ARHGEF37: variants seen among roughly 807,000 people sequenced by gnomAD.
The protein encoded by ARHGEF37 is Rho guanine nucleotide exchange factor (GEF) 37.
ARHGEF37 carries 55 observed loss-of-function variants against 71.1 expected under a neutral mutation model. The ratio of observed to expected loss-of-function variants is 0.77; its 90% CI spans 0.62 to 0.97. The LOEUF (loss-of-function observed/expected upper bound fraction) is 0.97. Among genes scored for constraint, ARHGEF37 ranks in the 50% least tolerant of loss-of-function variants. The pLI is 0.00. For synonymous variants in ARHGEF37, 327 were observed against 350.6 expected (o/e 0.93, Z 0.75); for missense variants, 765 against 836.8 (o/e 0.91, Z 1.06).
chr5:149,564,778 C>T (rs1175063196), intron 1 of ARHGEF37, among the ~76,000 whole-genome samples: 1 of 152,184 alleles, frequency 6.6e-6, no homozygotes, highest in East Asian at 1.9e-4. Context: ...GAACCGAGAT[C>T]GCGCCATTGC....
chr5:149,602,257 G>A (rs1960010), intron 3 of ARHGEF37, among the ~76,000 whole-genome samples: 81,786 of 151,766 alleles, frequency 0.54, 22,382 homozygotes, highest in East Asian at 0.71. Flanking sequence ...GGGTTTCACC[G>A]TATTGGTCAG....
chr5:149,554,647 G>GT (rs111671134), intron 1 of ARHGEF37, among the ~76,000 whole-genome samples: 38,916 of 137,426 alleles, frequency 0.28, 5,227 homozygotes, highest in African/African-American at 0.34. Flanking sequence ...TGGCAAAATT[G>GT]TTTTTTTTTT....
At chr5:149,553,793 TC>T (rs1308513567) in intron 1 of ARHGEF37, among the ~76,000 whole-genome samples, 2 of 152,236 alleles carry the variant, frequency 1.3e-5, no homozygotes, top group African/African-American at 4.8e-5. Flanking sequence ...TTTAGTCTTT[TC>T]ACATATGTGT....
At chr5:149,616,524 A>C in intron 4 of ARHGEF37, 43 bp from the exon 5 acceptor site, 2 of 1,553,660 alleles carry the variant, frequency 1.3e-6, no homozygotes, top group African/African-American at 1.4e-5. Context: ...CTGGTCCTCC[A>C]GAGGGTGGGA....
At chr5:149,557,570 C>T (rs1451833809) in intron 1 of ARHGEF37, among the ~76,000 whole-genome samples, 3 of 152,124 alleles carry the variant, frequency 2.0e-5, no homozygotes, top group Non-Finnish European at 4.4e-5. Context: ...GCGTTAAACT[C>T]CTAGGCTCAA....
rs1400673761 is a variant in ARHGEF37, at chr5:149,601,106, A to C, written c.187-2A>C. The stretch of plus-strand genomic sequence containing the variant: ...CTCTCATGGCTTCTTTGTTCCTTCC[A>C]GTTGCCGCAGGGAGATCTGGATGTC... On this transcript the variant is annotated splice_acceptor_variant, in intron 2 of 12. Coordinates refer to ENST00000333677, the MANE Select transcript of ARHGEF37 (RefSeq NM_001001669.3). LOFTEE classifies it high-confidence loss of function. 5 of 1,609,244 alleles carry C rather than the reference A, an allele frequency of 3.1e-6. No homozygotes were observed. In the South Asian group the frequency reaches 5.5e-5, roughly 18 times the overall value.
chr5:149,557,228 A>G (rs979368656), intron 1 of ARHGEF37, among the ~76,000 whole-genome samples: 2 of 152,246 alleles, frequency 1.3e-5, no homozygotes, highest in African/African-American at 4.8e-5. Flanking sequence ...GTGGATACCC[A>G]TGCCATTACG....
intron 4 of ARHGEF37, among the ~76,000 whole-genome samples, chr5:149,613,489 G>A (rs775952560): frequency 6.6e-6 from 1 of 151,990 alleles, no homozygotes; most frequent in South Asian, 2.1e-4. Flanking sequence ...TGGGACTACA[G>A]GAGTGCGCCA....
intron 2 of ARHGEF37, among the ~76,000 whole-genome samples, chr5:149,600,096 T>C (rs1437694600): frequency 6.6e-6 from 1 of 152,204 alleles, no homozygotes; most frequent in Non-Finnish European, 1.5e-5. Context: ...GCTCCTAGGC[T>C]ATAAGTGTGT....
upstream of ARHGEF37, among the ~76,000 whole-genome samples, chr5:149,577,915 G>C (rs1763044158): frequency 6.6e-6 from 1 of 152,230 alleles, no homozygotes; most frequent in Non-Finnish European, 1.5e-5. Flanking sequence ...AATGTGTAAA[G>C]TTTATTCAGT....
chr5:149,622,969 A>G (rs147743302), intron 9 of ARHGEF37, among the ~76,000 whole-genome samples: 1 of 152,088 alleles, frequency 6.6e-6, no homozygotes, highest in African/African-American at 2.4e-5. Context: ...AATTCTTTGC[A>G]TGAAAACTCT....
intron 3 of ARHGEF37, among the ~76,000 whole-genome samples, chr5:149,607,702 G>T (rs1763952466): frequency 6.6e-6 from 1 of 151,874 alleles, no homozygotes; most frequent in Admixed American, 6.6e-5. Flanking sequence ...GGGGGCAGGG[G>T]GTGGATCTCA....
rs111671134 is a variant in ARHGEF37, at chr5:149,554,647, G to GTT, written c.-12+2538_-12+2539dup. Among the ~76,000 whole-genome samples the GTT allele has an allele frequency of 4.9e-3, 680 of 137,596 alleles. 4 individuals carry two copies. Among genetic ancestry groups the GTT allele is most frequent in the African/African-American group, 0.014 (536 of 37,998 alleles). The allele number at this position is 137,596 out of a possible 152,430, so 90.3% of individuals were successfully genotyped here. On this transcript the variant is annotated intron_variant, in intron 1 of 2. Transcript: ENST00000505810. Reference sequence around the variant, plus strand: ...TATTGGATTTAAGAATGGCAAAATTGTTTTTTTTTTTTTTTACATAGAAAA... The same window carrying GTT: ...TATTGGATTTAAGAATGGCAAAATTGTTTTTTTTTTTTTTTTTACATAGAAAA...
Position 149,582,773 on chromosome 5 carries a change from TAC to T in ARHGEF37, c.-12+1153_-12+1154del, listed in dbSNP as rs926696258. ...CCTGAAACTATGTACATCTATTATG[TAC>T]ACAGTTTAAAATTTAATTTAATTAA... On this transcript the variant is annotated intron_variant, in intron 1 of 12. Transcript: ENST00000333677. Among the ~76,000 whole-genome samples the T allele has an allele frequency of 9.2e-5, 14 of 151,966 alleles. No homozygotes were observed. The South Asian group carries it at 1.0e-3, about 11-fold the overall frequency.
chr5:149,615,470 A>C (rs753281202), intron 4 of ARHGEF37, among the ~76,000 whole-genome samples: 19 of 152,174 alleles, frequency 1.2e-4, no homozygotes, highest in Admixed American at 3.9e-4. Flanking sequence ...AAAATTAACA[A>C]GTGTTAACAT....
chr5:149,565,314 A>G (rs754781152), intron 1 of ARHGEF37, among the ~76,000 whole-genome samples: 3 of 152,230 alleles, frequency 2.0e-5, no homozygotes, highest in Non-Finnish European at 4.4e-5. Context: ...ACAGCAGAGA[A>G]TAAGTCCTGT....
chr5:149,580,964 T>G (rs1006375158), upstream of ARHGEF37, among the ~76,000 whole-genome samples: 1 of 152,184 alleles, frequency 6.6e-6, no homozygotes. Flanking sequence ...GTGTTCTCTG[T>G]GCCCAGAACA....
intron 1 of ARHGEF37, among the ~76,000 whole-genome samples, chr5:149,565,943 A>T (rs1273330479): frequency 1.9e-4 from 27 of 141,638 alleles, no homozygotes; most frequent in African/African-American, 6.8e-4. Context: ...TCCGCCTCCC[A>T]GGTACAAGCA....
intron 10 of ARHGEF37, among the ~76,000 whole-genome samples, chr5:149,626,053 G>A (rs998949028): frequency 6.6e-6 from 1 of 152,236 alleles, no homozygotes. Context: ...AAACTACCTC[G>A]TCTCTACATT....
Sources: allele counts gnomAD v4.1 joint callset (sites outside exome capture counted in the v4.1 genomes callset), GRCh38; gene constraint gnomAD v4.1.1; transcripts MANE v1.5; gene names NCBI Gene and HGNC (gene_info 2026-07-23, HGNC 2026-07-21).